CSMD3: variants seen among roughly 807,000 people sequenced by gnomAD.
CSMD3 encodes the protein CUB and sushi domain-containing protein 3.
Under a neutral mutation model 435.2 loss-of-function variants are expected in CSMD3, and 177 were observed. The ratio of observed to expected loss-of-function variants is 0.41; its 90% CI spans 0.36 to 0.46. The LOEUF (loss-of-function observed/expected upper bound fraction) is 0.46. CSMD3 is among the 20% of genes least tolerant of loss of function. The probability of loss-of-function intolerance (pLI) is 0.34; values close to 1 mark genes in which losing one functional copy is unlikely to be tolerated. For missense variants in CSMD3, 4,265 were observed against 4,504.6 expected (o/e 0.95, Z 1.52); for synonymous variants, 1,656 against 1,520.5 (o/e 1.09, Z -2.07).
intron 32 of CSMD3, among the ~76,000 whole-genome samples, chr8:112,434,585 G>T (rs1814104530): frequency 6.6e-6 from 1 of 151,976 alleles, no homozygotes. Context: ...GAATAAGATT[G>T]TAAAGTCTTC....
chr8:112,391,688 T>C (rs1830431675), intron 35 of CSMD3, among the ~76,000 whole-genome samples: 1 of 118,388 alleles, frequency 8.4e-6, no homozygotes, highest in East Asian at 2.7e-4. Flanking sequence ...TAAGACTCCA[T>C]CTCAAAAAAA....
chr8:112,294,189 C>T (rs1304542036), intron 54 of CSMD3, among the ~76,000 whole-genome samples: 21 of 151,954 alleles, frequency 1.4e-4, no homozygotes, highest in Admixed American at 1.4e-3. Flanking sequence ...ATCCTATTAT[C>T]ATTACCATGA....
Position 113,278,592 on chromosome 8 carries a change from C to T in CSMD3, c.514G>A (p.Glu172Lys). 1 of 1,459,720 alleles carries T rather than the reference C, an allele frequency of 6.9e-7. No individual in the cohort carries two copies. The highest frequency in any genetic ancestry group is 9.6e-7 in the Non-Finnish European group (1 of 1,039,956). The allele number at this position is 1,459,720 out of a possible 1,614,324, so 90.4% of individuals were successfully genotyped here. ...SAHGFKVYYE[E>K]LQSSSCGNPG... is the part of the protein sequence containing the mutation. The stretch of plus-strand genomic sequence containing the variant: ...TTTGTTTGCCACTACCATCACTTAC[C>T]TTCGTAATATACCTTAAATCCATGA... The change falls in exon 3 of 71, where the codon GAA becomes AAA. Residue 172 changes from glutamate (E) to lysine (K), a missense_variant and splice_region_variant. Coordinates refer to ENST00000297405, the MANE Select transcript of CSMD3 (RefSeq NM_198123.2).
At chr8:113,191,046 G>A (rs2092577301) in intron 3 of CSMD3, among the ~76,000 whole-genome samples, 2 of 151,670 alleles carry the variant, frequency 1.3e-5, no homozygotes, top group South Asian at 4.1e-4. Flanking sequence ...ACTAGAAAGT[G>A]TTCTTGATAT....
At chr8:112,284,530 C>T (rs1818982981) in intron 58 of CSMD3, among the ~76,000 whole-genome samples, 1 of 151,414 alleles carries the variant, frequency 6.6e-6, no homozygotes, top group African/African-American at 2.4e-5. Flanking sequence ...ATATAATGTA[C>T]ATTTTCTCAT....
intron 32 of CSMD3, among the ~76,000 whole-genome samples, chr8:112,470,975 TAA>T (rs1390793788): frequency 6.6e-6 from 1 of 152,172 alleles, no homozygotes; most frequent in Non-Finnish European, 1.5e-5. Context: ...TTTTTTATAT[TAA>T]GAGGATTAAA....
intron 16 of CSMD3, among the ~76,000 whole-genome samples, chr8:112,673,509 G>A (rs2075704347): frequency 6.6e-6 from 1 of 152,058 alleles, no homozygotes; most frequent in South Asian, 2.1e-4. Context: ...GGGGTTCATT[G>A]TTAGATATAA....
chr8:112,302,419 C>T (rs1256953215), intron 52 of CSMD3, among the ~76,000 whole-genome samples: 2 of 151,968 alleles, frequency 1.3e-5, no homozygotes, highest in Non-Finnish European at 2.9e-5. Flanking sequence ...TAATTTTTGT[C>T]AAGAACTCTA....
chr8:113,273,577 C>T (rs1175809160), intron 3 of CSMD3, among the ~76,000 whole-genome samples: 1 of 152,080 alleles, frequency 6.6e-6, no homozygotes, highest in Non-Finnish European at 1.5e-5. Flanking sequence ...TCTCAGTTAT[C>T]AGACTGAGAA....
chr8:113,403,811 A>C (rs2094520778), intron 1 of CSMD3, among the ~76,000 whole-genome samples: 1 of 151,526 alleles, frequency 6.6e-6, no homozygotes, highest in Non-Finnish European at 1.5e-5. Context: ...GCCTTTTTCA[A>C]CTCTGCATGA....
intron 5 of CSMD3, among the ~76,000 whole-genome samples, chr8:113,060,037 C>T (rs1013726238): frequency 2.0e-5 from 3 of 146,596 alleles, no homozygotes; most frequent in Non-Finnish European, 4.5e-5. Context: ...TACATGTGCA[C>T]ATTGTGCAGG....
At chr8:113,263,803 A>C (rs1467147297) in intron 3 of CSMD3, among the ~76,000 whole-genome samples, 2 of 151,844 alleles carry the variant, frequency 1.3e-5, no homozygotes, top group East Asian at 3.9e-4. Flanking sequence ...TTTACAAACT[A>C]TCTTGTCCTT....
intron 16 of CSMD3, among the ~76,000 whole-genome samples, chr8:112,680,779 A>G (rs1350442874): frequency 6.6e-6 from 1 of 152,202 alleles, no homozygotes; most frequent in African/African-American, 2.4e-5. Context: ...CATTATGAAA[A>G]TGTTCAATCC....
At chr8:112,248,698 T>C (rs1208552331) in intron 63 of CSMD3, among the ~76,000 whole-genome samples, 1 of 152,152 alleles carries the variant, frequency 6.6e-6, no homozygotes, top group Non-Finnish European at 1.5e-5. Flanking sequence ...CAAGATTCCA[T>C]TTGAAACTTC....
chr8:113,397,626 C>T (rs1588659996), intron 1 of CSMD3, among the ~76,000 whole-genome samples: 1 of 151,790 alleles, frequency 6.6e-6, no homozygotes, highest in East Asian at 1.9e-4. Context: ...ACCATCCTGG[C>T]TAACACGGTG....
intron 3 of CSMD3, among the ~76,000 whole-genome samples, chr8:113,183,088 C>G (rs1486455242): frequency 2.6e-5 from 4 of 151,994 alleles, no homozygotes; most frequent in Admixed American, 2.6e-4. Flanking sequence ...CCTGGCAGAC[C>G]CTGGTCCTGT....
At chr8:112,338,752 T>C (rs1824809853) in intron 42 of CSMD3, among the ~76,000 whole-genome samples, 1 of 152,148 alleles carries the variant, frequency 6.6e-6, no homozygotes, top group African/African-American at 2.4e-5. Flanking sequence ...TTCATTTTAA[T>C]TGATATTCTA....
In CSMD3 at chr8:113,313,049, G is replaced by GTGT. The variant is rs2093882241; in HGVS notation, c.401+1521_401+1522insACA. The GTGT allele has an allele frequency of 2.6e-5, 4 of 152,320 alleles. No individual in the cohort carries two copies. The South Asian group carries it at 8.3e-4, about 32-fold the overall frequency. The allele number at this position is 152,320 out of a possible 1,614,324, so 9.4% of individuals were successfully genotyped here. On this transcript the variant is annotated intron_variant, in intron 2 of 70. Coordinates refer to ENST00000297405, the MANE Select transcript of CSMD3 (RefSeq NM_198123.2). ...ATTTTTAAGTGTCATCTGACTGGAAGCAGTTCGATGTGCTCTAATAGGATT... is the reference window on the plus strand; with the variant it reads ...ATTTTTAAGTGTCATCTGACTGGAAGTGTCAGTTCGATGTGCTCTAATAGGATT...
intron 2 of CSMD3, 114 bp from the exon 3 acceptor site, chr8:113,278,818 T>C: frequency 1.5e-6 from 1 of 653,036 alleles, no homozygotes; most frequent in Non-Finnish European, 2.8e-6. Context: ...TCCTATAATT[T>C]CCAGAAGGAA....
Sources: gnomAD v4.1 joint callset for allele counts (sites outside exome capture counted in the v4.1 genomes callset) on GRCh38, gnomAD v4.1.1 for gene constraint, MANE v1.5 for transcripts, NCBI Gene and HGNC (gene_info 2026-07-23, HGNC 2026-07-21) for gene names.